The following TESK2 variants were observed in gnomAD, a reference collection of about 807,000 sequenced individuals.
TESK2 encodes the protein testis associated actin remodelling kinase 2.
A neutral mutation model predicts 57.1 loss-of-function variants in TESK2; 39 were observed. The observed-to-expected ratio is 0.68, with a 90% CI of 0.53 to 0.89. The LOEUF is 0.89. Among genes scored for constraint, TESK2 ranks in the 40% least tolerant of loss-of-function variants. The probability of loss-of-function intolerance (pLI) is 0.00; values close to 1 mark genes in which losing one functional copy is unlikely to be tolerated. For missense variants in TESK2, 646 were observed against 732.1 expected, an observed-to-expected ratio of 0.88 and a Z score of 1.36; for synonymous variants, 249 against 267.9, an observed-to-expected ratio of 0.93 and a Z score of 0.69.
chr1:45,462,161 T>C (rs1652355264), intron 1 of TESK2, among the ~76,000 whole-genome samples: 2 of 152,198 alleles, frequency 1.3e-5, no homozygotes, highest in Admixed American at 1.3e-4. Context: ...GTCTTAATAT[T>C]TAGCTTCAGC....
At chr1:45,360,445 C>A (rs1267073632) in intron 4 of TESK2, among the ~76,000 whole-genome samples, 1 of 152,110 alleles carries the variant, frequency 6.6e-6, no homozygotes, top group Non-Finnish European at 1.5e-5. Flanking sequence ...TGTGCACTCT[C>A]TATAGGCCAG....
intron 2 of TESK2, among the ~76,000 whole-genome samples, chr1:45,425,804 T>G (rs1224618744): frequency 1.3e-5 from 2 of 152,074 alleles, no homozygotes; most frequent in African/African-American, 2.4e-5. Context: ...CTAAACTTTC[T>G]ATGGAATCAC....
intron 1 of TESK2, among the ~76,000 whole-genome samples, chr1:45,471,798 TTA>T (rs1358257694): frequency 6.6e-6 from 1 of 151,890 alleles, no homozygotes; most frequent in East Asian, 1.9e-4. Flanking sequence ...GACCATTTTT[TTA>T]GAGATGGGGG....
At chr1:45,368,563 C>T (rs769509187) in intron 4 of TESK2, among the ~76,000 whole-genome samples, 2 of 150,366 alleles carry the variant, frequency 1.3e-5, no homozygotes, top group Non-Finnish European at 3.0e-5. Flanking sequence ...TTAGTAGAGA[C>T]GAGGTTTCAC....
chr1:45,366,647 G>C (rs1214471006), intron 4 of TESK2, among the ~76,000 whole-genome samples: 3 of 152,070 alleles, frequency 2.0e-5, no homozygotes, highest in African/African-American at 7.2e-5. Flanking sequence ...AAGCCCCTTT[G>C]TAAAACTCAG....
chr1:45,440,226 A>G (rs1218102368), intron 2 of TESK2, among the ~76,000 whole-genome samples: 1 of 151,882 alleles, frequency 6.6e-6, no homozygotes, highest in Admixed American at 6.6e-5. Flanking sequence ...TGCTGGGATT[A>G]AGGTGTGAGC....
intron 4 of TESK2, among the ~76,000 whole-genome samples, chr1:45,356,149 G>GCA (rs1221855765): frequency 6.6e-6 from 1 of 152,012 alleles, no homozygotes; most frequent in African/African-American, 2.4e-5. Flanking sequence ...CTGAATCATG[G>GCA]CAATAGTGGA....
At chr1:45,375,588 GC>G (rs1455743288) in intron 4 of TESK2, among the ~76,000 whole-genome samples, 1 of 151,694 alleles carries the variant, frequency 6.6e-6, no homozygotes, top group Non-Finnish European at 1.5e-5. Flanking sequence ...TCCTCTGCCC[GC>G]CCCCTGCTGA....
chr1:45,378,251 C>G (rs1225444681), intron 4 of TESK2, among the ~76,000 whole-genome samples: 1 of 152,190 alleles, frequency 6.6e-6, no homozygotes, highest in African/African-American at 2.4e-5. Context: ...TAAGAATTTT[C>G]TCACTATCCC....
chr1:45,471,192 C>T (rs1652748698), intron 1 of TESK2, among the ~76,000 whole-genome samples: 2 of 152,056 alleles, frequency 1.3e-5, no homozygotes, highest in Admixed American at 1.3e-4. Flanking sequence ...GATCACACCA[C>T]TGCACTCCAG....
intron 4 of TESK2, among the ~76,000 whole-genome samples, chr1:45,368,044 G>C (rs1353361145): frequency 3.9e-4 from 53 of 135,204 alleles, no homozygotes; most frequent in Middle Eastern, 5.1e-3. Flanking sequence ...GCCCAGGCTG[G>C]AGTGCAATGG....
At chr1:45,402,090 AG>A (rs201500979) in intron 3 of TESK2, among the ~76,000 whole-genome samples, 222 of 147,308 alleles carry the variant, frequency 1.5e-3, no homozygotes, top group Non-Finnish European at 1.5e-3. Context: ...TTAAAAAAAA[AG>A]AAAAGAAAAG....
intron 2 of TESK2, among the ~76,000 whole-genome samples, chr1:45,430,575 G>C (rs1650907744): frequency 6.6e-6 from 1 of 152,200 alleles, no homozygotes; most frequent in African/African-American, 2.4e-5. Flanking sequence ...TGATCTCTCT[G>C]ATCTCTTTGC....
intron 1 of TESK2, among the ~76,000 whole-genome samples, chr1:45,484,802 C>A (rs550356239): frequency 4.6e-5 from 7 of 151,422 alleles, no homozygotes; most frequent in Non-Finnish European, 1.0e-4. Context: ...GAGGCCGAGG[C>A]GGGTAGATCA....
chr1:45,415,963 A>G (rs1650222121), intron 3 of TESK2, among the ~76,000 whole-genome samples: 1 of 150,952 alleles, frequency 6.6e-6, no homozygotes, highest in Admixed American at 6.6e-5. Flanking sequence ...TGTTTGTTTT[A>G]GCTCATCAGC....
intron 2 of TESK2, 32 bp from the exon 3 acceptor site, chr1:45,421,878 T>A: frequency 6.2e-7 from 1 of 1,611,812 alleles, no homozygotes; most frequent in South Asian, 1.1e-5. Context: ...GAAAAGAGGG[T>A]CAAGGGCAAT....
chr1:45,440,364 A>G (rs1343559662), intron 2 of TESK2, among the ~76,000 whole-genome samples: 3 of 152,180 alleles, frequency 2.0e-5, no homozygotes, highest in Non-Finnish European at 4.4e-5. Flanking sequence ...TAATGGTAAG[A>G]AAACAAGGCA....
intron 2 of TESK2, among the ~76,000 whole-genome samples, chr1:45,432,841 G>A (rs1651030960): frequency 8.1e-6 from 1 of 123,400 alleles, no homozygotes; most frequent in African/African-American, 3.2e-5. Flanking sequence ...TCGCCTCACT[G>A]CAATCTCCGC....
chr1:45,373,328 A>G (rs1570662319), intron 4 of TESK2, among the ~76,000 whole-genome samples: 2 of 152,340 alleles, frequency 1.3e-5, no homozygotes, highest in East Asian at 3.9e-4. Context: ...TGAACAGGAC[A>G]TGGTGATTGG....
Sources: gnomAD v4.1 joint callset for allele counts (sites outside exome capture counted in the v4.1 genomes callset) on GRCh38, gnomAD v4.1.1 for gene constraint, MANE v1.5 for transcripts, NCBI Gene and HGNC (gene_info 2026-07-23, HGNC 2026-07-21) for gene names.